RASGRP4: variants seen among roughly 807,000 people sequenced by gnomAD.
RASGRP4 encodes RAS guanyl releasing protein 4.
RASGRP4 carries 52 observed loss-of-function variants against 84.4 expected under a neutral mutation model. The observed-to-expected ratio is 0.62, with a 90% CI of 0.49 to 0.78. The LOEUF (loss-of-function observed/expected upper bound fraction) is 0.78. RASGRP4 is among the 30% of genes least tolerant of loss of function. The pLI is 0.00. For missense variants in RASGRP4, 760 were observed against 886.9 expected, an observed-to-expected ratio of 0.86 and a Z score of 1.82; for synonymous variants, 356 against 359.1, an observed-to-expected ratio of 0.99 and a Z score of 0.10.
intron 6 of RASGRP4, among the ~76,000 whole-genome samples, chr19:38,419,087 A>G (rs766834712): frequency 2.0e-5 from 3 of 152,190 alleles, no homozygotes; most frequent in Non-Finnish European, 4.4e-5. Flanking sequence ...CACACACAAC[A>G]CACACATACA....
intron 16 of RASGRP4, among the ~76,000 whole-genome samples, chr19:38,410,622 A>G (rs968802792): frequency 1.3e-5 from 2 of 152,082 alleles, no homozygotes; most frequent in African/African-American, 2.4e-5. Flanking sequence ...CACGTTGGCC[A>G]GGCTGATCTC....
Position 38,418,270 on chromosome 19 carries a change from GCGGGGC to G in RASGRP4, c.837+115_837+120del. ...GAATGCCCAGGCTGTGGCCTCGGGG[GCGGGGC>G]CGGGAGATGCGTGACGTCACCGCCG... On this transcript the variant is annotated intron_variant, in intron 7 of 16. Transcript: ENST00000615439. The surrounding 1 kb of genome is among the most constrained non-coding windows in gnomAD (Gnocchi z 4.6). 1 of 1,021,876 alleles carries G rather than the reference GCGGGGC, an allele frequency of 9.8e-7. No individual in the cohort carries two copies. The highest frequency in any genetic ancestry group is 1.6e-5 in the African/African-American group (1 of 62,432). 63.3% of individuals were successfully genotyped at this position (1,021,876 alleles called of 1,614,324 possible).
At chr19:38,414,631 C>T (rs1971418447) in intron 9 of RASGRP4, among the ~76,000 whole-genome samples, 3 of 152,192 alleles carry the variant, frequency 2.0e-5, no homozygotes, top group Non-Finnish European at 2.9e-5. Flanking sequence ...CGGCTGGGTC[C>T]TTTTATTATT....
At chr19:38,422,177 T>C in intron 1 of RASGRP4, 24 bp from the exon 2 acceptor site, 1 of 1,587,070 alleles carries the variant, frequency 6.3e-7, no homozygotes, top group South Asian at 1.1e-5. Context: ...CCCCAAGGAG[T>C]CATGGGAGCA....
At chr19:38,422,548 T>G (rs1162819698) in intron 1 of RASGRP4, among the ~76,000 whole-genome samples, 1 of 152,050 alleles carries the variant, frequency 6.6e-6, no homozygotes, top group African/African-American at 2.4e-5. Context: ...TAGACTCTCT[T>G]AGGAGCATGA....
At position 38,409,864 on chromosome 19, in the gene RASGRP4, CAA is replaced by C; in HGVS notation, c.*174_*175del. 1.8e-6 allele frequency: 1 copy of C among 553,796 alleles called. No homozygotes were observed. Among genetic ancestry groups the C allele is most frequent in the South Asian group, 2.4e-5 (1 of 42,388 alleles). 34.3% of individuals were successfully genotyped at this position (553,796 alleles called of 1,614,324 possible). A position where few individuals can be genotyped will look rare whatever the true frequency, so the allele number is the denominator to read the frequency against. On this transcript the variant is annotated 3_prime_UTR_variant, in exon 17 of 17. Transcript: ENST00000615439. ...AGCAGGATTAGCATCCACCAGGATG[CAA>C]AAGAGGAAAGTCACTTCCAGGGAAA...
At chr19:38,411,611 C>T (rs1180575302) in intron 13 of RASGRP4, 1 of 536,778 alleles carries the variant, frequency 1.9e-6, no homozygotes, top group Non-Finnish European at 3.3e-6. Flanking sequence ...GGGAGGATCG[C>T]TTGAGCTCAG....
At chr19:38,415,821 G>A (rs1971476164) in intron 8 of RASGRP4, among the ~76,000 whole-genome samples, 1 of 151,516 alleles carries the variant, frequency 6.6e-6, no homozygotes, top group Non-Finnish European at 1.5e-5. Flanking sequence ...CATTTTGAGA[G>A]GCCGAGGCAG....
chr19:38,410,831 G>A (rs553093701), intron 16 of RASGRP4, 55 bp downstream of exon 16: 340 of 1,286,710 alleles, frequency 2.6e-4, no homozygotes, highest in Non-Finnish European at 3.2e-4. Context: ...TCTTCCCCAC[G>A]CCAATGGCCT....
In RASGRP4 at chr19:38,411,115, C is replaced by T. The variant is rs1296025421; in HGVS notation, c.1852G>A (p.Gly618Ser). The T allele has an allele frequency of 6.2e-7, 1 of 1,613,222 alleles. No homozygotes were observed. Among genetic ancestry groups the T allele is most frequent in the Non-Finnish European group, 8.5e-7 (1 of 1,179,620 alleles). Residue 618 changes from glycine to serine, a missense_variant and splice_region_variant, in exon 15 of 17, where the codon GGC (glycine) becomes AGC (serine). Gly to Ser is a moderately conservative substitution (Grantham distance 56, BLOSUM62 0). Transcript: ENST00000615439. ...PSTPAPHASC[G>S]SEENHSYTLS... ...AGCACCGGTGTGCTCTAGGTCTTAC[C>T]ACAGCTGGCATGGGGAGCTGGTGTG... is the stretch of plus-strand genomic sequence containing the variant.
chr19:38,419,286 GC>G (rs1324484252), intron 6 of RASGRP4, among the ~76,000 whole-genome samples: 1 of 152,202 alleles, frequency 6.6e-6, no homozygotes, highest in Non-Finnish European at 1.5e-5. Context: ...TTCCTGCAAG[GC>G]AGGAACTGTG....
In RASGRP4 at chr19:38,413,071, C is replaced by T; in HGVS notation, c.1417-22G>A. On this transcript the variant is annotated intron_variant, in intron 11 of 16. Coordinates refer to ENST00000615439, the MANE Select transcript of RASGRP4 (RefSeq NM_170604.3). This position sits in a 1 kb window ranked among gnomAD's most constrained non-coding sequence, Gnocchi z 4.7. The stretch of plus-strand genomic sequence containing the variant: ...CAGACTTCAGAGGAGTGTGGGGAAG[C>T]AGATAAGGCCCAGTTGTCGAAATAT... 6.2e-7 allele frequency: 1 copy of T among 1,600,358 alleles called. No homozygotes were observed. Among genetic ancestry groups the T allele is most frequent in the Non-Finnish European group, 8.6e-7 (1 of 1,167,496 alleles).
Position 38,413,476 on chromosome 19 carries a change from T to C in RASGRP4, c.1231-2A>G. 1 of 1,592,014 alleles carries C rather than the reference T, an allele frequency of 6.3e-7. No individual in the cohort carries two copies. Among genetic ancestry groups the C allele is most frequent in the Non-Finnish European group, 8.6e-7 (1 of 1,169,134 alleles). On this transcript the variant is annotated splice_acceptor_variant, in intron 9 of 16. Transcript: ENST00000615439. LOFTEE classifies it high-confidence loss of function. This position sits in a 1 kb window ranked among gnomAD's most constrained non-coding sequence, Gnocchi z 4.7. ...CGTGTAGAAGAGGTCCAGGGAGAGCTGGAGCAGACAGGGGTGTTACGGATC... is the reference window on the plus strand; with the variant it reads ...CGTGTAGAAGAGGTCCAGGGAGAGCCGGAGCAGACAGGGGTGTTACGGATC...
In RASGRP4 at chr19:38,409,983, C is replaced by A. The variant is rs1600538371; in HGVS notation, c.*57G>T. On this transcript the variant is annotated 3_prime_UTR_variant, in exon 17 of 17. Transcript: ENST00000615439. The stretch of plus-strand genomic sequence containing the variant: ...TGGGAGCCCTGCCAGAGTCTGACGG[C>A]AGGACTCAGGACTGACTGGGGGAAG... 1.4e-6 allele frequency: 2 copies of A among 1,435,330 alleles called. No individual in the cohort carries two copies. The highest frequency in any genetic ancestry group is 2.5e-5 in the East Asian group (1 of 39,696). 88.9% of individuals were successfully genotyped at this position (1,435,330 alleles called of 1,614,324 possible).
Position 38,415,552 on chromosome 19 carries a change from T to C in RASGRP4, c.955-429A>G, listed in dbSNP as rs561047636. Among the ~76,000 whole-genome samples the C allele has an allele frequency of 2.0e-5, 3 of 151,946 alleles. No homozygotes were observed. The South Asian group carries it at 6.2e-4, about 32-fold the overall frequency. ...CCACGCCAGGCTAATTTTGTATTTT[T>C]AGTAGAGACAGGGTTTTACCATGTT... On this transcript the variant is annotated intron_variant, in intron 8 of 16. Coordinates refer to ENST00000615439, the MANE Select transcript of RASGRP4 (RefSeq NM_170604.3).
At position 38,417,984 on chromosome 19, in the gene RASGRP4, G is replaced by A. The variant is rs973592700; in HGVS notation, c.837+407C>T. 2.0e-5 allele frequency among the ~76,000 whole-genome samples: 3 copies of A among 152,074 alleles called. No homozygotes were observed. The highest frequency in any genetic ancestry group is 4.4e-5 in the Non-Finnish European group (3 of 68,006). On this transcript the variant is annotated intron_variant, in intron 7 of 16. Coordinates refer to ENST00000615439, the MANE Select transcript of RASGRP4 (RefSeq NM_170604.3). The surrounding 1 kb of genome is among the most constrained non-coding windows in gnomAD (Gnocchi z 5.1). Reference sequence around the variant, plus strand: ...AGAGAAGGGCGTAACACAATGGGGCGGGGCGGGGAGAGCCCGGACGCAATG... The same window carrying A: ...AGAGAAGGGCGTAACACAATGGGGCAGGGCGGGGAGAGCCCGGACGCAATG...
At position 38,412,712 on chromosome 19, in the gene RASGRP4, G is replaced by A; in HGVS notation, c.1640C>T (p.Thr547Ile). The A allele has an allele frequency of 6.2e-7, 1 of 1,613,238 alleles. No individual in the cohort carries two copies. The highest frequency in any genetic ancestry group is 8.5e-7 in the Non-Finnish European group (1 of 1,179,604). ...LAFLHTFHEV[T>I]FRKPTFCDSC... Reference sequence around the variant, plus strand: ...GTCGCAGAAGGTAGGCTTTCGGAAGGTGACCTCATGGAAGGTGTGCAGGAA... The same window carrying A: ...GTCGCAGAAGGTAGGCTTTCGGAAGATGACCTCATGGAAGGTGTGCAGGAA... The change falls in exon 13 of 17, where the codon ACC (threonine) becomes ATC (isoleucine). Residue 547 changes from threonine (T) to isoleucine (I), a missense_variant. Physicochemically the swap from Thr to Ile is moderately conservative, Grantham distance 89 (BLOSUM62 -1). Transcript: ENST00000615439. This position sits in a 1 kb window ranked among gnomAD's most constrained non-coding sequence, Gnocchi z 4.6.
intron 13 of RASGRP4, 23 bp from the exon 14 acceptor site, chr19:38,411,404 G>C (rs766642121): frequency 7.2e-6 from 11 of 1,532,542 alleles, no homozygotes; most frequent in African/African-American, 1.4e-5. Context: ...AGGAGAAAAG[G>C]TTACCCATCC....
Position 38,418,507 on chromosome 19 carries a change from C to A in RASGRP4, c.721G>T (p.Glu241Ter). 6.4e-7 allele frequency: 1 copy of A among 1,558,844 alleles called. No homozygotes were observed. Among genetic ancestry groups the A allele is most frequent in the Admixed American group, 1.9e-5 (1 of 51,828 alleles). ...CTGTTGCTGAGACCTACGGAGCCCT[C>A]CAGGGCCGGGCAGCCTCGTACTGAG... is the stretch of plus-strand genomic sequence containing the variant. Reference protein sequence around the residue: ...QGSVRGCPALEGSVGLSNSVS... With the variant: ...QGSVRGCPAL Residue 241 changes from glutamate to a stop codon, truncating the protein, a stop_gained, in exon 7 of 17, where the codon GAG becomes TAG. Transcript: ENST00000615439. LOFTEE classifies it high-confidence loss of function. This position sits in a 1 kb window ranked among gnomAD's most constrained non-coding sequence, Gnocchi z 4.6.
Sources: allele counts gnomAD v4.1 joint callset (sites outside exome capture counted in the v4.1 genomes callset), GRCh38; gene constraint gnomAD v4.1.1; non-coding constraint Gnocchi (gnomAD v3.1); transcripts MANE v1.5; gene names NCBI Gene and HGNC (gene_info 2026-07-23, HGNC 2026-07-21).